The following RAD54B variants were observed in gnomAD, a reference collection of about 807,000 sequenced individuals.
RAD54B encodes the protein DNA repair and recombination protein RAD54B.
RAD54B carries 78 observed loss-of-function variants against 95.8 expected under a neutral mutation model. The ratio of observed to expected loss-of-function variants is 0.81; its 90% CI spans 0.68 to 0.98. The LOEUF (loss-of-function observed/expected upper bound fraction) is 0.98. RAD54B is among the 50% of genes least tolerant of loss of function. RAD54B has a pLI of 0.00. For synonymous variants in RAD54B, 328 were observed against 354.9 expected (o/e 0.92, Z 0.85); for missense variants, 957 against 1,056.6 (o/e 0.91, Z 1.31).
intron 3 of RAD54B, among the ~76,000 whole-genome samples, chr8:94,416,231 T>A (rs1288636995): frequency 6.6e-6 from 1 of 150,874 alleles, no homozygotes; most frequent in Non-Finnish European, 1.5e-5. Flanking sequence ...ATGGATGAAA[T>A]TGGAAATCAT....
At chr8:94,376,561 GTTAA>G (rs1441003930) in intron 14 of RAD54B, among the ~76,000 whole-genome samples, 1 of 151,062 alleles carries the variant, frequency 6.6e-6, no homozygotes, top group Admixed American at 6.6e-5. Flanking sequence ...AGGATAAAGT[GTTAA>G]TTAATATTTT....
chr8:94,384,520 TTTCAGTTTTGTTTGC>T (rs1810823632), intron 11 of RAD54B, among the ~76,000 whole-genome samples: 2 of 151,864 alleles, frequency 1.3e-5, no homozygotes, highest in Non-Finnish European at 2.9e-5. Flanking sequence ...GTTTAATAGA[TTTCAGTTTTGTTTGC>T]AAAACTGAAA....
Position 94,455,047 on chromosome 8 carries a change from T to C in RAD54B, c.304+3221A>G, listed in dbSNP as rs193251579. 4.6e-5 allele frequency among the ~76,000 whole-genome samples: 7 copies of C among 152,328 alleles called. No individual in the cohort carries two copies. The East Asian group carries it at 1.3e-3, about 29-fold the overall frequency. On this transcript the variant is annotated intron_variant, in intron 3 of 14. Transcript: ENST00000336148. ...AACACAACAAAACTCTCTAGCCCCC[T>C]ACCATTCCTCGAGATACTACTTCCT...
At chr8:94,390,771 C>G (rs537637957) in intron 10 of RAD54B, among the ~76,000 whole-genome samples, 18 of 151,840 alleles carry the variant, frequency 1.2e-4, no homozygotes, top group African/African-American at 3.9e-4. Context: ...TACTTGGGAA[C>G]AGAAGTGGTT....
At chr8:94,431,909 AG>A in intron 3 of RAD54B, 1 of 1,215,104 alleles carries the variant, frequency 8.2e-7, no homozygotes, top group Non-Finnish European at 1.0e-6. Flanking sequence ...AATTAAACTT[AG>A]GGAAAAAAAA....
chr8:94,448,834 T>C (rs1302321308), intron 3 of RAD54B, among the ~76,000 whole-genome samples: 3 of 152,142 alleles, frequency 2.0e-5, no homozygotes, highest in African/African-American at 7.2e-5. Context: ...ATATGTACGA[T>C]GAACAAGTCT....
intron 1 of RAD54B, among the ~76,000 whole-genome samples, chr8:94,474,653 A>G (rs10093542): frequency 0.054 from 8,226 of 152,228 alleles, 271 homozygotes; most frequent in African/African-American, 0.084. Context: ...TGGGGAAGGA[A>G]ATTCCCAGTG....
intron 11 of RAD54B, among the ~76,000 whole-genome samples, chr8:94,381,813 G>C (rs970289315): frequency 6.6e-6 from 1 of 152,088 alleles, no homozygotes; most frequent in African/African-American, 2.4e-5. Flanking sequence ...AAGAAAACAA[G>C]AAATTGTTTT....
At chr8:94,392,843 GT>G (rs747421771) in intron 9 of RAD54B, among the ~76,000 whole-genome samples, 27 of 90,512 alleles carry the variant, frequency 3.0e-4, no homozygotes, top group Admixed American at 6.3e-4. Context: ...TTTTAGTTTT[GT>G]TTTTTTTTTT....
intron 4 of RAD54B, among the ~76,000 whole-genome samples, chr8:94,409,618 A>G (rs1189580249): frequency 3.3e-5 from 5 of 152,140 alleles, no homozygotes; most frequent in Non-Finnish European, 5.9e-5. Flanking sequence ...CTTCCCCATC[A>G]GCCTCCCAAA....
Position 94,460,384 on chromosome 8 carries a change from T to C in RAD54B, c.136-1948A>G, listed in dbSNP as rs144943925. ...TACTTTGAACACTGAGGTGGGAGGATGGCTTGAGGCCAGGAGGCCAAGGTT... is the reference window on the plus strand; with the variant it reads ...TACTTTGAACACTGAGGTGGGAGGACGGCTTGAGGCCAGGAGGCCAAGGTT... On this transcript the variant is annotated intron_variant, in intron 2 of 14. Transcript: ENST00000336148. Among the ~76,000 whole-genome samples, 70 of 151,856 alleles carry C rather than the reference T, an allele frequency of 4.6e-4. 1 individual carries two copies. Among genetic ancestry groups the C allele is most frequent in the African/African-American group, 1.7e-3 (69 of 41,364 alleles).
chr8:94,412,567 T>G (rs1811554926), intron 3 of RAD54B, among the ~76,000 whole-genome samples: 1 of 152,082 alleles, frequency 6.6e-6, no homozygotes, highest in African/African-American at 2.4e-5. Context: ...GTGGTTTAGC[T>G]GAAGACAGCA....
intron 3 of RAD54B, among the ~76,000 whole-genome samples, chr8:94,452,856 T>C (rs572209816): frequency 1.3e-5 from 2 of 152,256 alleles, no homozygotes; most frequent in South Asian, 4.1e-4. Flanking sequence ...AAGTTTAAAT[T>C]GAAAGCACAA....
In RAD54B at chr8:94,460,902, C is replaced by T. The variant is rs375046160; in HGVS notation, c.136-2466G>A. On this transcript the variant is annotated intron_variant, in intron 2 of 14. Coordinates refer to ENST00000336148, the MANE Select transcript of RAD54B (RefSeq NM_012415.3). ...TCTGATCCTCTTCCCTCTCTCTCTT[C>T]CACTTCTAAGGACACTTATAATTAT... 3.9e-4 allele frequency among the ~76,000 whole-genome samples: 60 copies of T among 152,204 alleles called. 2 individuals are homozygous for T. In the East Asian group the frequency reaches 7.5e-3, roughly 19 times the overall value.
intron 5 of RAD54B, among the ~76,000 whole-genome samples, chr8:94,405,886 C>T (rs186025386): frequency 3.9e-5 from 6 of 152,122 alleles, no homozygotes; most frequent in East Asian, 1.9e-4. Flanking sequence ...ATGATGAAGA[C>T]GATCATTTAA....
At chr8:94,405,972 T>C (rs1289793525) in intron 5 of RAD54B, among the ~76,000 whole-genome samples, 1 of 150,182 alleles carries the variant, frequency 6.7e-6, no homozygotes, top group South Asian at 2.1e-4. Flanking sequence ...ATAAGAATAA[T>C]TAACCATTTA....
At chr8:94,417,798 T>C (rs1237086460) in intron 3 of RAD54B, among the ~76,000 whole-genome samples, 1 of 152,172 alleles carries the variant, frequency 6.6e-6, no homozygotes, top group African/African-American at 2.4e-5. Flanking sequence ...ATAAATTGTA[T>C]CTTCATTACT....
chr8:94,410,344 C>T (rs1267917735), intron 4 of RAD54B, among the ~76,000 whole-genome samples: 1 of 152,160 alleles, frequency 6.6e-6, no homozygotes, highest in Non-Finnish European at 1.5e-5. Context: ...CTCATTGAAA[C>T]AACTGTATTA....
rs548969929 is a variant in RAD54B at position 94,442,385 on chromosome 8, A to T, written c.304+15883T>A. On this transcript the variant is annotated intron_variant, in intron 3 of 14. Transcript: ENST00000336148. The stretch of plus-strand genomic sequence containing the variant: ...TCAGGAATCAAGACCATCCTGGCTA[A>T]CATGGTGAAACCCCGTCTCTACTAC... Among the ~76,000 whole-genome samples the T allele has an allele frequency of 9.2e-5, 14 of 152,256 alleles. 1 individual carries two copies. The East Asian group carries it at 2.5e-3, about 27-fold the overall frequency.
Sources: gnomAD v4.1 joint callset for allele counts (sites outside exome capture counted in the v4.1 genomes callset) on GRCh38, gnomAD v4.1.1 for gene constraint, MANE v1.5 for transcripts, NCBI Gene and HGNC (gene_info 2026-07-23, HGNC 2026-07-21) for gene names.